TDRD3: variants seen among roughly 807,000 people sequenced by gnomAD.
TDRD3 encodes tudor domain-containing protein 3.
TDRD3 carries 45 observed loss-of-function variants against 86.7 expected under a neutral mutation model. That is an observed-to-expected ratio of 0.52 (90% confidence interval 0.41 to 0.67). The LOEUF (loss-of-function observed/expected upper bound fraction) is 0.67. Among genes scored for constraint, TDRD3 ranks in the 30% least tolerant of loss-of-function variants. TDRD3 has a pLI of 0.00. For synonymous variants in TDRD3, 298 were observed against 301.7 expected (o/e 0.99, Z 0.13); for missense variants, 814 against 889.0 (o/e 0.92, Z 1.07).
At chr13:60,471,544 A>C (rs1208749852) in intron 5 of TDRD3, among the ~76,000 whole-genome samples, 1 of 111,942 alleles carries the variant, frequency 8.9e-6, no homozygotes, top group Non-Finnish European at 2.3e-5. Flanking sequence ...ATTTCTGCAA[A>C]AAAAAAAAAT....
intron 1 of TDRD3, among the ~76,000 whole-genome samples, chr13:60,431,479 C>T (rs906133107): frequency 6.6e-6 from 1 of 151,632 alleles, no homozygotes; most frequent in African/African-American, 2.4e-5. Context: ...TTTTAAATTT[C>T]CATCTCAATT....
At chr13:60,480,400 T>C (rs528975742) in intron 5 of TDRD3, among the ~76,000 whole-genome samples, 3 of 152,278 alleles carry the variant, frequency 2.0e-5, no homozygotes, top group Admixed American at 2.0e-4. Context: ...AGGCCCCTTT[T>C]CTCTAGCTGC....
intron 1 of TDRD3, among the ~76,000 whole-genome samples, chr13:60,405,276 ATAATTCT>A (rs1169601188): frequency 6.6e-6 from 1 of 152,184 alleles, no homozygotes; most frequent in Non-Finnish European, 1.5e-5. Context: ...GCCTCAACAA[ATAATTCT>A]TAAACAGCAT....
intron 10 of TDRD3, among the ~76,000 whole-genome samples, chr13:60,524,049 A>G (rs1404831250): frequency 1.3e-5 from 2 of 151,836 alleles, no homozygotes; most frequent in African/African-American, 4.8e-5. Flanking sequence ...ATCTTAGTAT[A>G]TTTATTAGAG....
At chr13:60,440,158 T>C (rs913706321) in intron 2 of TDRD3, among the ~76,000 whole-genome samples, 1 of 152,144 alleles carries the variant, frequency 6.6e-6, no homozygotes, top group Non-Finnish European at 1.5e-5. Context: ...GTATTTATTG[T>C]TTCAAAATAA....
chr13:60,401,697 AG>A (rs1299429885), intron 1 of TDRD3, among the ~76,000 whole-genome samples: 2 of 152,146 alleles, frequency 1.3e-5, no homozygotes, highest in Non-Finnish European at 2.9e-5. Flanking sequence ...GTTTGTTTTG[AG>A]GGCAGAGATG....
intron 11 of TDRD3, among the ~76,000 whole-genome samples, chr13:60,531,594 C>T (rs866614871): frequency 6.6e-6 from 1 of 152,130 alleles, no homozygotes; most frequent in Non-Finnish European, 1.5e-5. Flanking sequence ...GTAAGTGACT[C>T]AGGCTTTCCA....
At position 60,467,374 on chromosome 13, in the gene TDRD3, C is replaced by A; in HGVS notation, c.490C>A (p.Gln164Lys). 1.9e-6 allele frequency: 3 copies of A among 1,613,532 alleles called. No homozygotes were observed. The highest frequency in any genetic ancestry group is 1.7e-6 in the Non-Finnish European group (2 of 1,179,716). The stretch of plus-strand genomic sequence containing the variant: ...ACACCTTATTGAGAAATGGGAGTTA[C>A]AGAGAGTAAGTGTAAACTATGGCTT... ...VEHLIEKWEL[Q>K]RSLSKHNRSN... Residue 164 changes from glutamine to lysine, a missense_variant, in exon 5 of 14, where the codon CAG (glutamine) becomes AAG (lysine). Gln to Lys is a moderately conservative substitution (Grantham distance 53). Transcript: ENST00000377881.
At chr13:60,444,845 T>TG in intron 3 of TDRD3, 97 bp downstream of exon 3, 3 of 613,850 alleles carry the variant, frequency 4.9e-6, no homozygotes, top group East Asian at 7.0e-5. Context: ...AGACTGCAAT[T>TG]GCAAAATACT....
chr13:60,407,231 T>C (rs1594895078), intron 1 of TDRD3, among the ~76,000 whole-genome samples: 1 of 152,202 alleles, frequency 6.6e-6, no homozygotes, highest in African/African-American at 2.4e-5. Context: ...AGTCTTCATA[T>C]TTTTGTAGTA....
At chr13:60,493,005 G>A (rs1422011984) in intron 7 of TDRD3, among the ~76,000 whole-genome samples, 1 of 135,282 alleles carries the variant, frequency 7.4e-6, no homozygotes, top group African/African-American at 2.7e-5. Flanking sequence ...TGCAAGCTCC[G>A]CCTCCCAGGT....
Position 60,467,396 on chromosome 13 carries a change from G to A in TDRD3, c.495+17G>A. On this transcript the variant is annotated intron_variant, in intron 5 of 13. Coordinates refer to ENST00000377881, the MANE Select transcript of TDRD3 (RefSeq NM_001146070.2). ...TTACAGAGAGTAAGTGTAAACTATG[G>A]CTTGAACTTTTGAAACATTACACTC... 2 of 1,607,362 alleles carry A rather than the reference G, an allele frequency of 1.2e-6. No individual in the cohort carries two copies. The highest frequency in any genetic ancestry group is 1.7e-5 in the Admixed American group (1 of 57,960).
Position 60,460,289 on chromosome 13 carries a change from T to TA in TDRD3, c.193-89dup, listed in dbSNP as rs1237229784. 8.1e-6 allele frequency: 9 copies of TA among 1,114,394 alleles called. No homozygotes were observed. In the African/African-American group the frequency reaches 1.3e-4, roughly 17 times the overall value. 69.0% of individuals were successfully genotyped at this position (1,114,394 alleles called of 1,614,324 possible). A position where few individuals can be genotyped will look rare whatever the true frequency, so the allele number is the denominator to read the frequency against. On this transcript the variant is annotated intron_variant, in intron 3 of 13. Transcript: ENST00000377881. ...ATTATAAATCATAAAGCATGACTATTAAGGAAAAGAGAAACACTATAAATG... is the reference window on the plus strand; with the variant it reads ...ATTATAAATCATAAAGCATGACTATTAAAGGAAAAGAGAAACACTATAAATG...
chr13:60,517,829 C>A (rs986378434), intron 10 of TDRD3, among the ~76,000 whole-genome samples: 2 of 152,150 alleles, frequency 1.3e-5, no homozygotes, highest in Non-Finnish European at 2.9e-5. Flanking sequence ...CAAAAAAGTA[C>A]AGATTCAGTG....
intron 8 of TDRD3, among the ~76,000 whole-genome samples, chr13:60,506,536 G>C (rs1595039694): frequency 6.6e-6 from 1 of 152,220 alleles, no homozygotes; most frequent in East Asian, 1.9e-4. Flanking sequence ...GCAAGGTCAG[G>C]ATTGAGTTTG....
At chr13:60,489,067 C>T (rs927353404) in intron 7 of TDRD3, among the ~76,000 whole-genome samples, 7 of 152,026 alleles carry the variant, frequency 4.6e-5, no homozygotes, top group Admixed American at 2.0e-4. Flanking sequence ...GATATAATCT[C>T]GTTTGTCTAT....
chr13:60,403,599 T>G (rs1954157838), intron 1 of TDRD3, among the ~76,000 whole-genome samples: 1 of 152,182 alleles, frequency 6.6e-6, no homozygotes, highest in African/African-American at 2.4e-5. Context: ...GGCAAAAATG[T>G]ATGGTAATAA....
At chr13:60,543,661 T>C (rs1479463145) in intron 12 of TDRD3, among the ~76,000 whole-genome samples, 4 of 152,130 alleles carry the variant, frequency 2.6e-5, no homozygotes, top group Non-Finnish European at 5.9e-5. Context: ...TCTACTAATA[T>C]GGTATTTTTA....
intron 10 of TDRD3, among the ~76,000 whole-genome samples, chr13:60,516,446 A>G (rs182590249): frequency 1.3e-5 from 2 of 152,282 alleles, no homozygotes; most frequent in East Asian, 1.9e-4. Context: ...ATTCTAGTTG[A>G]CGTTTTTATT....
Sources: gnomAD v4.1 joint callset for allele counts (sites outside exome capture counted in the v4.1 genomes callset) on GRCh38, gnomAD v4.1.1 for gene constraint, MANE v1.5 for transcripts, NCBI Gene and HGNC (gene_info 2026-07-23, HGNC 2026-07-21) for gene names.